Variants in CLGN observed in about 807,000 individuals in gnomAD.
CLGN encodes the protein calmegin, also known as testis tissue sperm-binding protein Li 79P.
In CLGN, 62 loss-of-function variants were observed where a neutral mutation model predicts 79.1. That is an observed-to-expected ratio of 0.78 (90% CI 0.64 to 0.97). The LOEUF is 0.97. CLGN is among the 50% of genes least tolerant of loss of function. The pLI is 0.00. For synonymous variants in CLGN, 225 were observed against 224.7 expected (o/e 1.00, Z -0.01); for missense variants, 647 against 715.5 (o/e 0.90, Z 1.09).
At chr4:140,408,809 C>T (rs1031048648) in intron 4 of CLGN, among the ~76,000 whole-genome samples, 1 of 150,558 alleles carries the variant, frequency 6.6e-6, no homozygotes, top group African/African-American at 2.4e-5. Flanking sequence ...CCAGAAATCC[C>T]ACTACTGCTT....
intron 7 of CLGN, among the ~76,000 whole-genome samples, chr4:140,399,950 C>T (rs903793864): frequency 2.0e-5 from 3 of 152,114 alleles, no homozygotes; most frequent in Admixed American, 2.0e-4. Flanking sequence ...TTAAGGGCCT[C>T]TTCCTTTTTA....
intron 1 of CLGN, among the ~76,000 whole-genome samples, chr4:140,415,402 T>G (rs1729308655): frequency 6.6e-6 from 1 of 151,010 alleles, no homozygotes; most frequent in South Asian, 2.1e-4. Flanking sequence ...AGACACAGAC[T>G]GGCAAATTGG....
chr4:140,408,888 C>T (rs1450152676), intron 4 of CLGN, among the ~76,000 whole-genome samples: 2 of 143,008 alleles, frequency 1.4e-5, no homozygotes, highest in African/African-American at 5.1e-5. Flanking sequence ...TATATATACA[C>T]ACACACACAT....
chr4:140,421,243 G>A (rs1306393837), intron 1 of CLGN, among the ~76,000 whole-genome samples: 2 of 152,094 alleles, frequency 1.3e-5, no homozygotes, highest in African/African-American at 4.8e-5. Context: ...TGGCTGTTGT[G>A]AATAATCCTA....
At chr4:140,414,370 GAGA>G (rs1296209408) in intron 1 of CLGN, among the ~76,000 whole-genome samples, 2 of 151,384 alleles carry the variant, frequency 1.3e-5, no homozygotes, top group African/African-American at 2.4e-5. Context: ...GACGAGCTGA[GAGA>G]AGAAGGCTTC....
intron 4 of CLGN, among the ~76,000 whole-genome samples, chr4:140,408,579 C>A (rs1186425173): frequency 6.6e-6 from 1 of 151,886 alleles, no homozygotes; most frequent in African/African-American, 2.4e-5. Context: ...AGAAAATGCT[C>A]AACATCACTA....
Position 140,398,900 on chromosome 4 carries a change from C to T in CLGN, c.835G>A (p.Asp279Asn), listed in dbSNP as rs1402134841. Reference sequence around the variant, plus strand: ...GGATCAGGAATTTTTGCTCTTTCATCCCATTCCTCAGGTTTTTTATCATTG... The same window carrying T: ...GGATCAGGAATTTTTGCTCTTTCATTCCATTCCTCAGGTTTTTTATCATTG... The part of the protein sequence containing the change: ...DPNDKKPEEW[D>N]ERAKIPDPSA... Residue 279 changes from aspartate to asparagine, a missense_variant, in exon 8 of 15, where the codon GAT becomes AAT. Transcript: ENST00000325617. 1 of 1,613,762 alleles carries T rather than the reference C, an allele frequency of 6.2e-7. No homozygotes were observed. Among genetic ancestry groups the T allele is most frequent in the African/African-American group, 1.3e-5 (1 of 74,880 alleles).
intron 4 of CLGN, among the ~76,000 whole-genome samples, chr4:140,407,227 T>C (rs1244220630): frequency 6.6e-6 from 1 of 152,246 alleles, no homozygotes; most frequent in South Asian, 2.1e-4. Context: ...TTCTCTCACA[T>C]TGATGGTGAA....
At chr4:140,425,433 T>TGTGGGTGG (rs1386886225) in intron 1 of CLGN, among the ~76,000 whole-genome samples, 1 of 76,122 alleles carries the variant, frequency 1.3e-5, no homozygotes, top group East Asian at 3.2e-4. Context: ...CAATAGGGTG[T>TGTGGGTGG]GTGTGTGTGT....
intron 3 of CLGN, among the ~76,000 whole-genome samples, chr4:140,410,162 A>G (rs1426295183): frequency 6.6e-6 from 1 of 152,042 alleles, no homozygotes; most frequent in African/African-American, 2.4e-5. Flanking sequence ...TAAAATGGGG[A>G]TTAAATATGG....
chr4:140,394,132 A>C (rs190724420), intron 10 of CLGN, 91 bp from the exon 11 acceptor site: 304 of 837,754 alleles, frequency 3.6e-4, no homozygotes, highest in Non-Finnish European at 1.7e-5. Flanking sequence ...TGAAATTCGC[A>C]ATGCTAACTG....
At chr4:140,418,297 G>T (rs2126632934) in intron 1 of CLGN, among the ~76,000 whole-genome samples, 1 of 149,444 alleles carries the variant, frequency 6.7e-6, no homozygotes, top group South Asian at 2.1e-4. Flanking sequence ...CATGGGCAAG[G>T]ACTTCATGTC....
At chr4:140,391,302 T>C (rs1204836636) in intron 13 of CLGN, among the ~76,000 whole-genome samples, 12 of 151,736 alleles carry the variant, frequency 7.9e-5, no homozygotes, top group Non-Finnish European at 1.5e-5. Flanking sequence ...TGGGACTACG[T>C]GTATAGATGA....
chr4:140,421,755 A>G (rs1287512358), intron 1 of CLGN, among the ~76,000 whole-genome samples: 1 of 151,754 alleles, frequency 6.6e-6, no homozygotes, highest in African/African-American at 2.4e-5. Flanking sequence ...TAGGTTTTTC[A>G]TTTTGTTGTG....
chr4:140,398,435 A>C (rs1341903459), intron 8 of CLGN, among the ~76,000 whole-genome samples: 1 of 151,858 alleles, frequency 6.6e-6, no homozygotes, highest in South Asian at 2.1e-4. Context: ...ATGCCCGCTA[A>C]TTTTTGTGTT....
intron 1 of CLGN, among the ~76,000 whole-genome samples, chr4:140,415,308 C>A (rs1729306858): frequency 6.6e-6 from 1 of 151,666 alleles, no homozygotes; most frequent in African/African-American, 2.4e-5. Flanking sequence ...AGCAAAATAA[C>A]CAGCTAACAT....
chr4:140,400,045 T>C lies in CLGN; in HGVS notation c.694+312A>G, dbSNP rs185770500. On this transcript the variant is annotated intron_variant, in intron 7 of 14. Transcript: ENST00000325617. ...CACCACTGTCACAACGTCTAAAATG[T>C]CCTTTCACCCTACTGTCTTCAACAT... 1.8e-4 allele frequency among the ~76,000 whole-genome samples: 28 copies of C among 152,310 alleles called. No homozygotes were observed. In the East Asian group the frequency reaches 4.0e-3, roughly 22 times the overall value.
chr4:140,408,783 A>G (rs1489481028), intron 4 of CLGN, among the ~76,000 whole-genome samples: 3 of 151,502 alleles, frequency 2.0e-5, no homozygotes, highest in Non-Finnish European at 4.4e-5. Flanking sequence ...AACTGAAAGT[A>G]GATCTACTAT....
At chr4:140,399,737 C>A (rs2126619747) in intron 7 of CLGN, among the ~76,000 whole-genome samples, 1 of 152,284 alleles carries the variant, frequency 6.6e-6, no homozygotes, top group South Asian at 2.1e-4. Context: ...GCTCTACAGC[C>A]ATTATACTTG....
Sources: allele counts gnomAD v4.1 joint callset (sites outside exome capture counted in the v4.1 genomes callset), GRCh38; gene constraint gnomAD v4.1.1; transcripts MANE v1.5; gene names NCBI Gene and HGNC (gene_info 2026-07-23, HGNC 2026-07-21).